The following SEZ6L variants were observed in gnomAD, a reference collection of about 807,000 sequenced individuals.
The protein encoded by SEZ6L is seizure 6-like protein.
A neutral mutation model predicts 106.2 loss-of-function variants in SEZ6L; 37 were observed. The ratio of observed to expected loss-of-function variants is 0.35; its 90% confidence interval spans 0.27 to 0.46. The LOEUF is 0.46. Ranked by LOEUF, SEZ6L falls within the 20% of genes least tolerant of loss-of-function variation. The probability of loss-of-function intolerance (pLI) is 1.00; values close to 1 mark genes in which losing one functional copy is unlikely to be tolerated. For synonymous variants in SEZ6L, 541 were observed against 570.4 expected (o/e 0.95, Z 0.73); for missense variants, 1,172 against 1,332.8 (o/e 0.88, Z 1.88).
At chr22:26,303,828 C>T (rs1402717276) in intron 5 of SEZ6L, among the ~76,000 whole-genome samples, 1 of 152,146 alleles carries the variant, frequency 6.6e-6, no homozygotes, top group East Asian at 1.9e-4. Context: ...GCTTCCTCTC[C>T]TATATCTCTG....
chr22:26,194,491 A>G (rs987065815), intron 1 of SEZ6L, among the ~76,000 whole-genome samples: 9 of 152,172 alleles, frequency 5.9e-5, no homozygotes, highest in Admixed American at 4.6e-4. Flanking sequence ...ACTGGGTGGC[A>G]AGATTGGATT....
chr22:26,296,780 G>C (rs2081313667), intron 3 of SEZ6L, 108 bp from the exon 4 acceptor site: 3 of 932,348 alleles, frequency 3.2e-6, no homozygotes, highest in African/African-American at 1.7e-5. Flanking sequence ...CGTTGACCAG[G>C]GGCTAGCAGT....
intron 12 of SEZ6L, among the ~76,000 whole-genome samples, chr22:26,358,877 C>A (rs1036834188): frequency 6.6e-6 from 1 of 152,200 alleles, no homozygotes; most frequent in Non-Finnish European, 1.5e-5. Context: ...GCTCAATATC[C>A]TCCAGTGCCC....
chr22:26,369,357 TGA>T (rs2083934917), intron 13 of SEZ6L, among the ~76,000 whole-genome samples: 1 of 130,460 alleles, frequency 7.7e-6, no homozygotes, highest in African/African-American at 2.9e-5. Flanking sequence ...TTTTTTTTTT[TGA>T]GACAGATTCT....
chr22:26,220,897 A>ATGGATGGT (rs1241237393), intron 1 of SEZ6L, among the ~76,000 whole-genome samples: 1 of 12,052 alleles, frequency 8.3e-5, no homozygotes. Context: ...GTATGAATGG[A>ATGGATGGT]TGGATGGATG....
rs1259186410 is a variant in SEZ6L at position 26,310,851 on chromosome 22, G to A, written c.1681+15G>A. 4 of 1,612,358 alleles carry A rather than the reference G, an allele frequency of 2.5e-6. No homozygotes were observed. The highest frequency in any genetic ancestry group is 4.5e-5 in the East Asian group (2 of 44,838). ...CCGATTTGAAGGTGAGGGTCCCTGG[G>A]AGCTTCCCTTTCTCTTGTGGGGCTG... On this transcript the variant is annotated intron_variant, in intron 7 of 16. Transcript: ENST00000248933.
intron 1 of SEZ6L, among the ~76,000 whole-genome samples, chr22:26,219,252 A>C (rs2078386688): frequency 2.2e-5 from 1 of 44,534 alleles, no homozygotes; most frequent in African/African-American, 5.7e-5. Context: ...CGAGAAATAC[A>C]AGTTTTTTTT....
At chr22:26,342,382 C>T (rs1004617496) in intron 10 of SEZ6L, among the ~76,000 whole-genome samples, 21 of 152,136 alleles carry the variant, frequency 1.4e-4, no homozygotes, top group Admixed American at 2.0e-4. Flanking sequence ...TCTTTCTCCC[C>T]GTTCACTTAA....
rs376058010 is a variant in SEZ6L at position 26,306,672 on chromosome 22, G to A, written c.1514+528G>A. Reference sequence around the variant, plus strand: ...ATGCATAGAATCCAGAATATGCATAGAATCCAGAATTATAAAACTTTAATA... The same window carrying A: ...ATGCATAGAATCCAGAATATGCATAAAATCCAGAATTATAAAACTTTAATA... On this transcript the variant is annotated intron_variant, in intron 6 of 16. Coordinates refer to ENST00000248933, the MANE Select transcript of SEZ6L (RefSeq NM_021115.5). Among the ~76,000 whole-genome samples the A allele has an allele frequency of 1.9e-3, 282 of 152,262 alleles. 2 individuals carry two copies. The highest frequency in any genetic ancestry group is 0.01 in the Middle Eastern group (3 of 294).
At chr22:26,228,789 C>T (rs530443876) in intron 1 of SEZ6L, among the ~76,000 whole-genome samples, 18 of 152,264 alleles carry the variant, frequency 1.2e-4, no homozygotes, top group Admixed American at 7.2e-4. Flanking sequence ...GAAACTTCCA[C>T]GAGGTCCCAC....
At chr22:26,332,327 T>A (rs1042001114) in intron 9 of SEZ6L, among the ~76,000 whole-genome samples, 3 of 151,890 alleles carry the variant, frequency 2.0e-5, no homozygotes, top group Admixed American at 1.3e-4. Context: ...TTTTTGTACT[T>A]TTTGTAGAGA....
At chr22:26,293,187 A>G (rs1037523274) in intron 2 of SEZ6L, 41 bp downstream of exon 2, 61 of 1,468,308 alleles carry the variant, frequency 4.2e-5, no homozygotes, top group Non-Finnish European at 5.3e-5. Flanking sequence ...TGAAACAGCC[A>G]TGAGGCACTC....
intron 1 of SEZ6L, among the ~76,000 whole-genome samples, chr22:26,257,554 C>A (rs975302350): frequency 6.6e-6 from 1 of 152,158 alleles, no homozygotes; most frequent in African/African-American, 2.4e-5. Context: ...CCTCAGGGAG[C>A]TCCCAATAAT....
chr22:26,283,947 TACTC>T (rs1305084051), intron 1 of SEZ6L, among the ~76,000 whole-genome samples: 1 of 152,252 alleles, frequency 6.6e-6, no homozygotes, highest in African/African-American at 2.4e-5. Flanking sequence ...CAAAATGTGT[TACTC>T]AGTAAGTTAC....
rs1285658994 is a variant in SEZ6L at position 26,261,054 on chromosome 22, T to TGA, written c.95-31352_95-31351insGA. Among the ~76,000 whole-genome samples, 744 of 151,998 alleles carry TGA rather than the reference T, an allele frequency of 4.9e-3. 21 individuals are homozygous for TGA. Among genetic ancestry groups the TGA allele is most frequent in the Admixed American group, 0.035 (531 of 15,244 alleles). ...TTCTTTTGAGAATTATCTATTCATG[T>TGA]CCTTAGCCCACTTTTTGATGGGATT... On this transcript the variant is annotated intron_variant, in intron 1 of 16. Transcript: ENST00000248933.
At position 26,355,510 on chromosome 22, in the gene SEZ6L, C is replaced by T. The variant is rs2083411279; in HGVS notation, c.2599+4267C>T. 2.0e-5 allele frequency among the ~76,000 whole-genome samples: 3 copies of T among 152,182 alleles called. No individual in the cohort carries two copies. The South Asian group carries it at 6.2e-4, about 31-fold the overall frequency. ...GTGGGAGGCTGAGGCAGGAGGATCACTTGCGGTCAGGAGTTCCAGACCAGT... is the reference window on the plus strand; with the variant it reads ...GTGGGAGGCTGAGGCAGGAGGATCATTTGCGGTCAGGAGTTCCAGACCAGT... On this transcript the variant is annotated intron_variant, in intron 12 of 16. Coordinates refer to ENST00000248933, the MANE Select transcript of SEZ6L (RefSeq NM_021115.5).
chr22:26,309,568 T>TA (rs968604415), intron 6 of SEZ6L, among the ~76,000 whole-genome samples: 1 of 152,060 alleles, frequency 6.6e-6, no homozygotes, highest in African/African-American at 2.4e-5. Flanking sequence ...AAAACTTACC[T>TA]ACCGTGTCCT....
At chr22:26,283,845 A>C (rs2080849657) in intron 1 of SEZ6L, among the ~76,000 whole-genome samples, 3 of 152,208 alleles carry the variant, frequency 2.0e-5, no homozygotes, top group Non-Finnish European at 4.4e-5. Flanking sequence ...TTTCAACTAT[A>C]CTAGGAGTAT....
Position 26,210,002 on chromosome 22 carries a change from G to GGAGGGAGACAGGAAGGAAGGAAGGA in SEZ6L, c.94+40239_94+40240insGAGGGAGACAGGAAGGAAGGAAGGA, listed in dbSNP as rs1334251009. On this transcript the variant is annotated intron_variant, in intron 1 of 16. Coordinates refer to ENST00000248933, the MANE Select transcript of SEZ6L (RefSeq NM_021115.5). Reference sequence around the variant, plus strand: ...GGAAGGAAGGAAGGGAGGAAGGAAGGAAGAAGGATGGGTCAATGAAAAAAA... The same window carrying GGAGGGAGACAGGAAGGAAGGAAGGA: ...GGAAGGAAGGAAGGGAGGAAGGAAGGGAGGGAGACAGGAAGGAAGGAAGGAAAGAAGGATGGGTCAATGAAAAAAA... 9.3e-5 allele frequency among the ~76,000 whole-genome samples: 14 copies of GGAGGGAGACAGGAAGGAAGGAAGGA among 151,224 alleles called. No homozygotes were observed. The East Asian group carries it at 9.9e-4, about 11-fold the overall frequency.
Sources: gnomAD v4.1 joint callset for allele counts (sites outside exome capture counted in the v4.1 genomes callset) on GRCh38, gnomAD v4.1.1 for gene constraint, MANE v1.5 for transcripts, NCBI Gene and HGNC (gene_info 2026-07-23, HGNC 2026-07-21) for gene names.